Variants in C14orf132 observed in about 807,000 individuals in gnomAD.
The protein encoded by C14orf132 is chromosome 14 open reading frame 132.
A neutral mutation model predicts 5.8 loss-of-function variants in C14orf132; 6 were observed. The ratio of observed to expected loss-of-function variants is 1.03; its 90% confidence interval spans 0.57 to 2.04. The LOEUF is 2.04. C14orf132 is among the 30% of genes most tolerant of loss of function. The probability of loss-of-function intolerance (pLI) is 0.00; values close to 1 mark genes in which losing one functional copy is unlikely to be tolerated. For synonymous variants in C14orf132, 51 were observed against 49.8 expected (o/e 1.02, Z -0.10); for missense variants, 125 against 115.8 (o/e 1.08, Z -0.37).
Position 96,050,836 on chromosome 14 carries a change from T to C in C14orf132, c.27+11309T>C, listed in dbSNP as rs556106074. Among the ~76,000 whole-genome samples, 14 of 152,284 alleles carry C rather than the reference T, an allele frequency of 9.2e-5. No homozygotes were observed. In the South Asian group the frequency reaches 2.7e-3, roughly 29 times the overall value. On this transcript the variant is annotated intron_variant, in intron 1 of 1. Coordinates refer to ENST00000555004, the MANE Select transcript of C14orf132 (RefSeq NM_001252507.3). ...TCCGGTGTCTTGAAAATCATTTTCA[T>C]GTATTTTATCTGGTTTTTCAGTTGT...
intron 1 of C14orf132, among the ~76,000 whole-genome samples, chr14:96,082,580 G>A (rs1888058842): frequency 6.6e-6 from 1 of 152,184 alleles, no homozygotes; most frequent in African/African-American, 2.4e-5. Context: ...GACCAGCTTT[G>A]GAGCACCTCT....
At chr14:96,063,122 A>G (rs1472649516) in intron 1 of C14orf132, among the ~76,000 whole-genome samples, 1 of 152,096 alleles carries the variant, frequency 6.6e-6, no homozygotes, top group East Asian at 1.9e-4. Context: ...ATAGCTGGGT[A>G]AGCAGAGGCC....
At chr14:96,084,581 A>C (rs1331037168) in intron 1 of C14orf132, among the ~76,000 whole-genome samples, 1 of 152,230 alleles carries the variant, frequency 6.6e-6, no homozygotes, top group Admixed American at 6.5e-5. Context: ...AACTGTTGTA[A>C]TATTCTTGTT....
In C14orf132 at chr14:96,039,625, C is replaced by T. The variant is rs539038828; in HGVS notation, c.27+98C>T. The T allele has an allele frequency of 6.3e-4, 770 of 1,216,784 alleles. 2 individuals are homozygous for T. The highest frequency in any genetic ancestry group is 5.7e-3 in the Middle Eastern group (25 of 4,370). 75.4% of individuals were successfully genotyped at this position (1,216,784 alleles called of 1,614,324 possible). On this transcript the variant is annotated intron_variant, in intron 1 of 1. Coordinates refer to ENST00000555004, the MANE Select transcript of C14orf132 (RefSeq NM_001252507.3). The surrounding 1 kb of genome is among the most constrained non-coding windows in gnomAD (Gnocchi z 5.3). ...CACGCTGGGGCTGGGCAGTGGCGCC[C>T]GCCCGCGATCCGCGTCCCGGTCCTT... is the stretch of plus-strand genomic sequence containing the variant.
chr14:96,050,321 T>A (rs1595170020), intron 1 of C14orf132, among the ~76,000 whole-genome samples: 2 of 152,338 alleles, frequency 1.3e-5, no homozygotes, highest in African/African-American at 4.8e-5. Context: ...CAAGCCAAAT[T>A]TAATCTAAGA....
At chr14:96,073,865 G>A (rs1258365002) in intron 1 of C14orf132, among the ~76,000 whole-genome samples, 1 of 152,202 alleles carries the variant, frequency 6.6e-6, no homozygotes, top group Non-Finnish European at 1.5e-5. Context: ...CCATAAAAAG[G>A]AATGAGATCA....
chr14:96,044,516 A>G (rs10144868), intron 1 of C14orf132, among the ~76,000 whole-genome samples: 1,875 of 152,298 alleles, frequency 0.012, 38 homozygotes, highest in African/African-American at 0.043. Flanking sequence ...ACCAATCTCT[A>G]TTAGTTTCCT....
intron 1 of C14orf132, among the ~76,000 whole-genome samples, chr14:96,049,916 T>G (rs1468314206): frequency 6.6e-6 from 1 of 151,932 alleles, no homozygotes; most frequent in Admixed American, 6.6e-5. Context: ...ATATTATAGT[T>G]TTCATCTCTA....
chr14:96,053,999 G>A (rs921649747), intron 1 of C14orf132, among the ~76,000 whole-genome samples: 7 of 151,968 alleles, frequency 4.6e-5, no homozygotes, highest in African/African-American at 1.5e-4. Flanking sequence ...AGCTCTCTAG[G>A]GCCTGGCTGG....
Position 96,062,396 on chromosome 14 carries a change from T to TC in C14orf132, c.27+22873dup, listed in dbSNP as rs1207969155. On this transcript the variant is annotated intron_variant, in intron 1 of 1. Coordinates refer to ENST00000555004, the MANE Select transcript of C14orf132 (RefSeq NM_001252507.3). Reference sequence around the variant, plus strand: ...GATGAGCATCACCAGCTCCAAATGCTCCCCATTAATCAAGAAAGAAAACAA... The same window carrying TC: ...GATGAGCATCACCAGCTCCAAATGCTCCCCCATTAATCAAGAAAGAAAACAA... Among the ~76,000 whole-genome samples the TC allele has an allele frequency of 2.0e-5, 3 of 152,170 alleles. No homozygotes were observed. The East Asian group carries it at 5.8e-4, about 29-fold the overall frequency.
At position 96,091,444 on chromosome 14, in the gene C14orf132, G is replaced by A. The variant is rs934880562; in HGVS notation, c.*4709G>A. Reference sequence around the variant, plus strand: ...GAAAATTAGTGGAGAGCTGACAAGTGTCTGGGCTCCTGGCCCAGGGGTCCG... The same window carrying A: ...GAAAATTAGTGGAGAGCTGACAAGTATCTGGGCTCCTGGCCCAGGGGTCCG... On this transcript the variant is annotated 3_prime_UTR_variant, in exon 2 of 2. Coordinates refer to ENST00000555004, the MANE Select transcript of C14orf132 (RefSeq NM_001252507.3). The A allele has an allele frequency of 1.0e-5, 2 of 193,144 alleles. No individual in the cohort carries two copies. Among genetic ancestry groups the A allele is most frequent in the Non-Finnish European group, 2.1e-5 (2 of 93,766 alleles). 12.0% of individuals were successfully genotyped at this position (193,144 alleles called of 1,614,324 possible). A position where few individuals can be genotyped will look rare whatever the true frequency, so the allele number is the denominator to read the frequency against.
intron 1 of C14orf132, among the ~76,000 whole-genome samples, chr14:96,055,201 C>T (rs1887144111): frequency 6.6e-6 from 1 of 152,216 alleles, no homozygotes; most frequent in Non-Finnish European, 1.5e-5. Context: ...TCCCATGGGG[C>T]AATGTGGAGC....
chr14:96,083,556 G>C (rs1888090424), intron 1 of C14orf132, among the ~76,000 whole-genome samples: 1 of 152,202 alleles, frequency 6.6e-6, no homozygotes, highest in African/African-American at 2.4e-5. Context: ...GAAGATGAGA[G>C]AGAGAGATTG....
In C14orf132 at chr14:96,045,110, C is replaced by T. The variant is rs377199258; in HGVS notation, c.27+5583C>T. Among the ~76,000 whole-genome samples the T allele has an allele frequency of 4.5e-4, 69 of 152,252 alleles. 2 individuals carry two copies. In the South Asian group the frequency reaches 0.011, roughly 24 times the overall value. ...AAATGGGGACAAAACTGTGTCCTCA[C>T]GGAACTGTTCATTTAGTGTCTTAGA... is the stretch of plus-strand genomic sequence containing the variant. On this transcript the variant is annotated intron_variant, in intron 1 of 1. Coordinates refer to ENST00000555004, the MANE Select transcript of C14orf132 (RefSeq NM_001252507.3).
At chr14:96,042,964 C>T (rs1242615608) in intron 1 of C14orf132, among the ~76,000 whole-genome samples, 2 of 152,184 alleles carry the variant, frequency 1.3e-5, no homozygotes, top group Non-Finnish European at 2.9e-5. Context: ...GGGGACAAGG[C>T]GAGAATCACA....
rs777467451 is a variant in C14orf132 at position 96,086,651 on chromosome 14, C to T, written c.168C>T (p.Asn56=). 1.6e-4 allele frequency: 250 copies of T among 1,536,180 alleles called. No homozygotes were observed. The highest frequency in any genetic ancestry group is 1.9e-4 in the Non-Finnish European group (216 of 1,146,920). The part of the protein sequence containing the change: ...GQPEDPPRSS[N]DAVLLWIAII... ...CGGAAGATCCTCCTCGGTCCTCCAACGACGCCGTCTTGCTATGGATTGCCA... is the reference window on the plus strand; with the variant it reads ...CGGAAGATCCTCCTCGGTCCTCCAATGACGCCGTCTTGCTATGGATTGCCA... Residue 56 remains asparagine, a synonymous_variant, in exon 2 of 2, where the codon AAC becomes AAT. Transcript: ENST00000555004.
At chr14:96,069,134 A>T (rs1887620996) in intron 1 of C14orf132, among the ~76,000 whole-genome samples, 1 of 145,728 alleles carries the variant, frequency 6.9e-6, no homozygotes, top group Non-Finnish European at 1.5e-5. Context: ...AGCCTCCATA[A>T]TTGTGTAAGC....
intron 1 of C14orf132, among the ~76,000 whole-genome samples, chr14:96,065,234 T>A (rs1445707097): frequency 2.6e-5 from 4 of 151,990 alleles, no homozygotes; most frequent in African/African-American, 7.3e-5. Flanking sequence ...GGGAGGAGGG[T>A]GCAGTGTGTT....
Position 96,039,462 on chromosome 14 carries a change from G to A in C14orf132, c.-39G>A, listed in dbSNP as rs778456962. 4.0e-6 allele frequency: 6 copies of A among 1,484,996 alleles called. No individual in the cohort carries two copies. The African/African-American group carries it at 7.2e-5, about 18-fold the overall frequency. 92.0% of individuals were successfully genotyped at this position (1,484,996 alleles called of 1,614,324 possible). On this transcript the variant is annotated 5_prime_UTR_variant, in exon 1 of 2. Coordinates refer to ENST00000555004, the MANE Select transcript of C14orf132 (RefSeq NM_001252507.3). This position sits in a 1 kb window ranked among gnomAD's most constrained non-coding sequence, Gnocchi z 5.3. Reference sequence around the variant, plus strand: ...CAGGCGGCTGACCCGCAGCGGCAGCGGCAGCAGCGAGGACTCGAGCGCTGG... The same window carrying A: ...CAGGCGGCTGACCCGCAGCGGCAGCAGCAGCAGCGAGGACTCGAGCGCTGG...
Sources: gnomAD v4.1 joint callset for allele counts (sites outside exome capture counted in the v4.1 genomes callset) on GRCh38, gnomAD v4.1.1 for gene constraint, Gnocchi (gnomAD v3.1) non-coding constraint, MANE v1.5 for transcripts, NCBI Gene and HGNC (gene_info 2026-07-23, HGNC 2026-07-21) for gene names.